The following AP3D1 variants were observed in gnomAD, a reference collection of about 807,000 sequenced individuals.
AP3D1 encodes adaptor related protein complex 3 subunit delta 1.
In AP3D1, 51 loss-of-function variants were observed where a neutral mutation model predicts 147.6. The observed-to-expected ratio is 0.35, with a 90% CI of 0.28 to 0.44. The LOEUF (loss-of-function observed/expected upper bound fraction) is 0.44. Among genes scored for constraint, AP3D1 ranks in the 20% least tolerant of loss-of-function variants. The probability of loss-of-function intolerance (pLI) is 1.00; values close to 1 mark genes in which losing one functional copy is unlikely to be tolerated. For synonymous variants in AP3D1, 760 were observed against 663.0 expected (o/e 1.15, Z -2.25); for missense variants, 1,421 against 1,624.2 (o/e 0.87, Z 2.15).
chr19:2,155,531 C>CAAAA (rs60793261), upstream of AP3D1, among the ~76,000 whole-genome samples: 59 of 55,166 alleles, frequency 1.1e-3, 1 homozygote, highest in Non-Finnish European at 1.4e-3. Flanking sequence ...GACTCTGTCT[C>CAAAA]AAAAAAAAAA....
At chr19:2,154,190 C>T (rs1234289011), upstream of AP3D1, among the ~76,000 whole-genome samples, 2 of 151,998 alleles carry the variant, frequency 1.3e-5, no homozygotes, top group African/African-American at 4.8e-5. Context: ...TCAGGTGATC[C>T]GCCTTCCTTG....
intron 31 of AP3D1, 43 bp from the exon 32 acceptor site, chr19:2,102,311 G>A (rs1599430652): frequency 6.5e-7 from 1 of 1,546,152 alleles, no homozygotes; most frequent in Non-Finnish European, 8.9e-7. Flanking sequence ...GTGTGTGCAG[G>A]GGCTAGGCAC....
intron 15 of AP3D1, 118 bp downstream of exon 15, chr19:2,118,483 G>T: frequency 3.9e-6 from 4 of 1,012,912 alleles, no homozygotes; most frequent in Non-Finnish European, 5.7e-6. Context: ...GGCAACAAAA[G>T]AATCTCAGTG....
At chr19:2,116,861 G>T in intron 16 of AP3D1, 115 bp from the exon 17 acceptor site, 2 of 1,343,468 alleles carry the variant, frequency 1.5e-6, no homozygotes, top group Non-Finnish European at 9.9e-7. Context: ...AAACAGTGGG[G>T]CCTGCCACCC....
At position 2,160,738 on chromosome 19, in the gene AP3D1, T is replaced by A. The variant is rs1456092831; in HGVS notation, c.-103+3618A>T. ...TACACAGGATTCTGGAGAAATCAAC[T>A]GTTCAGAATAATGTTAGACCAGGAT... On this transcript the variant is annotated intron_variant, in intron 1 of 14. Transcript: ENST00000643010. Among the ~76,000 whole-genome samples, 3 of 152,054 alleles carry A rather than the reference T, an allele frequency of 2.0e-5. No individual in the cohort carries two copies. The East Asian group carries it at 5.8e-4, about 29-fold the overall frequency.
In AP3D1 at chr19:2,129,302, C is replaced by T. The variant is rs1401699594; in HGVS notation, c.732+16G>A. The T allele has an allele frequency of 2.5e-6, 4 of 1,613,826 alleles. No homozygotes were observed. The highest frequency in any genetic ancestry group is 3.4e-6 in the Non-Finnish European group (4 of 1,179,980). On this transcript the variant is annotated intron_variant, in intron 7 of 31. Coordinates refer to ENST00000643116, the MANE Select transcript of AP3D1 (RefSeq NM_001261826.3). Reference sequence around the variant, plus strand: ...CCACACAGGGTGAGGAGGCCACATTCCCGGGCAGTACTTGCCAGCTTGATG... The same window carrying T: ...CCACACAGGGTGAGGAGGCCACATTTCCGGGCAGTACTTGCCAGCTTGATG...
At chr19:2,137,314 G>GTT (rs113229005) in intron 3 of AP3D1, among the ~76,000 whole-genome samples, 1 of 146,358 alleles carries the variant, frequency 6.8e-6, no homozygotes. Context: ...ATATGTATGT[G>GTT]TTTTTTTTTT....
chr19:2,153,171 C>G (rs529725291), upstream of AP3D1, among the ~76,000 whole-genome samples: 1 of 140,234 alleles, frequency 7.1e-6, no homozygotes, highest in Non-Finnish European at 1.6e-5. Flanking sequence ...GTCAGGAGTT[C>G]GAGACCAGCC....
chr19:2,147,823 T>A (rs1447674928), intron 1 of AP3D1, among the ~76,000 whole-genome samples: 1 of 149,560 alleles, frequency 6.7e-6, no homozygotes, highest in Non-Finnish European at 1.5e-5. Flanking sequence ...AGGTGGAGGT[T>A]GCAGTGAGCC....
At chr19:2,109,270 A>T in intron 29 of AP3D1, 63 bp from the exon 30 acceptor site, 1 of 1,508,170 alleles carries the variant, frequency 6.6e-7, no homozygotes. Flanking sequence ...CCTGGCACAG[A>T]GGCCAACAAA....
chr19:2,153,388 G>GT (rs1019360557), upstream of AP3D1, among the ~76,000 whole-genome samples: 7 of 141,800 alleles, frequency 4.9e-5, no homozygotes, highest in South Asian at 2.2e-4. Flanking sequence ...AAGAAGTGGG[G>GT]GGGGGGACCG....
chr19:2,137,852 A>T, intron 2 of AP3D1, 45 bp from the exon 3 acceptor site: 1 of 1,595,032 alleles, frequency 6.3e-7, no homozygotes. Flanking sequence ...GCCAAAGCAG[A>T]GAGAAAGGTT....
intron 1 of AP3D1, among the ~76,000 whole-genome samples, chr19:2,146,546 G>C (rs970060060): frequency 2.0e-5 from 3 of 149,920 alleles, no homozygotes; most frequent in Non-Finnish European, 3.0e-5. Context: ...AGAGGTTGCA[G>C]TGAGCCAAGA....
At chr19:2,126,589 G>C (rs527367492) in intron 9 of AP3D1, among the ~76,000 whole-genome samples, 1 of 150,726 alleles carries the variant, frequency 6.6e-6, no homozygotes, top group East Asian at 2.0e-4. Context: ...GGGAGGCGGA[G>C]GTTGCAGTAA....
intron 31 of AP3D1, among the ~76,000 whole-genome samples, chr19:2,105,017 A>G (rs2018070846): frequency 6.6e-6 from 1 of 152,178 alleles, no homozygotes; most frequent in Admixed American, 6.5e-5. Context: ...GCTCCAACAG[A>G]TCACCAGGGC....
intron 9 of AP3D1, among the ~76,000 whole-genome samples, chr19:2,126,722 C>T (rs548155016): frequency 8.6e-5 from 13 of 151,334 alleles, no homozygotes; most frequent in South Asian, 8.4e-4. Context: ...TAAGTATCCA[C>T]GGGTGAAACG....
chr19:2,136,730 T>C (rs1025756928), intron 4 of AP3D1, among the ~76,000 whole-genome samples: 1 of 152,146 alleles, frequency 6.6e-6, no homozygotes, highest in African/African-American at 2.4e-5. Context: ...GAGTGGACCC[T>C]GGAGCCCCAT....
intron 12 of AP3D1, among the ~76,000 whole-genome samples, 196 bp downstream of exon 12, chr19:2,121,538 C>A (rs990970840): frequency 6.6e-6 from 1 of 152,198 alleles, no homozygotes; most frequent in Non-Finnish European, 1.5e-5. Context: ...TCTGCAGGCT[C>A]GGCCCCGCCC....
chr19:2,158,933 T>C (rs2019671415), intron 1 of AP3D1, among the ~76,000 whole-genome samples: 1 of 152,198 alleles, frequency 6.6e-6, no homozygotes, highest in South Asian at 2.1e-4. Context: ...AAGGACAGCT[T>C]GGAGGTTAGA....
Sources: allele counts gnomAD v4.1 joint callset (sites outside exome capture counted in the v4.1 genomes callset), GRCh38; gene constraint gnomAD v4.1.1; transcripts MANE v1.5; gene names NCBI Gene and HGNC (gene_info 2026-07-23, HGNC 2026-07-21).